The following KIAA0825 variants were observed in gnomAD, a reference collection of about 807,000 sequenced individuals.
The protein encoded by KIAA0825 is uncharacterized protein KIAA0825.
Under a neutral mutation model 147.6 loss-of-function variants are expected in KIAA0825, and 119 were observed. That is an observed-to-expected ratio of 0.81 (90% CI 0.69 to 0.94). The LOEUF (loss-of-function observed/expected upper bound fraction) is 0.94. Among genes scored for constraint, KIAA0825 ranks in the 40% least tolerant of loss-of-function variants. KIAA0825 has a pLI of 0.00. For missense variants in KIAA0825, 1,381 were observed against 1,472.7 expected, an observed-to-expected ratio of 0.94 and a Z score of 1.02; for synonymous variants, 470 against 518.1, an observed-to-expected ratio of 0.91 and a Z score of 1.26.
At chr5:94,229,801 G>A (rs999705702) in intron 20 of KIAA0825, among the ~76,000 whole-genome samples, 4 of 151,988 alleles carry the variant, frequency 2.6e-5, no homozygotes, top group African/African-American at 7.2e-5. Flanking sequence ...AATTCTCTGA[G>A]AATATTTATT....
At chr5:94,246,095 T>C (rs761837744) in intron 20 of KIAA0825, among the ~76,000 whole-genome samples, 2 of 152,146 alleles carry the variant, frequency 1.3e-5, no homozygotes, top group Non-Finnish European at 2.9e-5. Flanking sequence ...CCCATATAGA[T>C]TAAAAACAGA....
rs570135277 is a variant in KIAA0825 at position 94,436,053 on chromosome 5, A to T, written c.2497+3929T>A. Among the ~76,000 whole-genome samples the T allele has an allele frequency of 2.6e-5, 4 of 151,944 alleles. No homozygotes were observed. In the South Asian group the frequency reaches 6.2e-4, roughly 24 times the overall value. On this transcript the variant is annotated intron_variant, in intron 14 of 20. Coordinates refer to ENST00000682413, the MANE Select transcript of KIAA0825 (RefSeq NM_001145678.3). ...TTTGGTCCAATGCATAGTTTGCAAAATTTTTTTCCCATTCTATAGGTTGTC... is the reference window on the plus strand; with the variant it reads ...TTTGGTCCAATGCATAGTTTGCAAATTTTTTTTCCCATTCTATAGGTTGTC...
chr5:94,411,946 CA>C (rs141919892), intron 15 of KIAA0825, among the ~76,000 whole-genome samples: 52,621 of 138,978 alleles, frequency 0.38, 9,410 homozygotes, highest in Middle Eastern at 0.48. Context: ...GACTTCGTCT[CA>C]AAAAAAAAAA....
intron 5 of KIAA0825, among the ~76,000 whole-genome samples, chr5:94,487,270 AT>A (rs562411017): frequency 9.2e-5 from 14 of 152,252 alleles, no homozygotes; most frequent in African/African-American, 2.4e-4. Flanking sequence ...AAATCTAATC[AT>A]TTTTTTGTCC....
chr5:94,507,292 C>T (rs1163531516), intron 5 of KIAA0825, among the ~76,000 whole-genome samples: 1 of 152,020 alleles, frequency 6.6e-6, no homozygotes, highest in Non-Finnish European at 1.5e-5. Context: ...TGCTAAAATA[C>T]AAAAAATTAG....
intron 6 of KIAA0825, among the ~76,000 whole-genome samples, chr5:94,477,707 T>C (rs537257329): frequency 3.9e-5 from 6 of 152,114 alleles, no homozygotes; most frequent in Non-Finnish European, 7.4e-5. Context: ...CCCTTAAGCA[T>C]ATCAACGATT....
Position 94,462,412 on chromosome 5 carries a change from T to C in KIAA0825, c.2221A>G (p.Thr741Ala). Reference protein sequence around the residue: ...NNLFTTLVILTSPLTELYKTF... With the variant: ...NNLFTTLVILASPLTELYKTF... ...TTATATAATTCTGTTAATGGTGAAG[T>C]CAAAATGACTAATGTTGTAAACAGA... is the stretch of plus-strand genomic sequence containing the variant. The change falls in exon 12 of 21, where the codon ACT becomes GCT. Residue 741 changes from threonine (T) to alanine (A), a missense_variant. Transcript: ENST00000682413. The C allele has an allele frequency of 6.9e-7, 1 of 1,458,236 alleles. No homozygotes were observed. The allele number at this position is 1,458,236 out of a possible 1,614,324, so 90.3% of individuals were successfully genotyped here.
intron 20 of KIAA0825, among the ~76,000 whole-genome samples, chr5:94,165,117 A>G (rs1296178125): frequency 6.6e-6 from 1 of 152,212 alleles, no homozygotes; most frequent in African/African-American, 2.4e-5. Flanking sequence ...CTCTTCTGAA[A>G]AGGGATTAAT....
intron 5 of KIAA0825, among the ~76,000 whole-genome samples, chr5:94,493,699 A>G (rs1051001592): frequency 3.9e-5 from 6 of 152,150 alleles, no homozygotes; most frequent in African/African-American, 1.4e-4. Flanking sequence ...CATGTTAGCC[A>G]GGATGGTCTC....
chr5:94,334,585 T>G (rs904896244), intron 20 of KIAA0825, among the ~76,000 whole-genome samples: 1 of 152,162 alleles, frequency 6.6e-6, no homozygotes, highest in Non-Finnish European at 1.5e-5. Flanking sequence ...CAGGTTCAAG[T>G]GATTCTCCTG....
intron 20 of KIAA0825, among the ~76,000 whole-genome samples, chr5:94,212,126 T>C (rs1772764026): frequency 1.3e-5 from 2 of 152,314 alleles, no homozygotes; most frequent in African/African-American, 4.8e-5. Context: ...TAGTACTTAT[T>C]AGATAGTAAG....
chr5:94,426,469 A>G (rs958629630), intron 14 of KIAA0825, among the ~76,000 whole-genome samples: 1 of 152,182 alleles, frequency 6.6e-6, no homozygotes, highest in Non-Finnish European at 1.5e-5. Context: ...GACAAATACC[A>G]TATGCTGTCA....
chr5:94,528,013 T>C (rs1009164596), intron 3 of KIAA0825, among the ~76,000 whole-genome samples: 1 of 151,946 alleles, frequency 6.6e-6, no homozygotes, highest in Non-Finnish European at 1.5e-5. Flanking sequence ...AAAAGAATAG[T>C]TAAAAAGTTA....
At chr5:94,240,549 G>A (rs1439932269) in intron 20 of KIAA0825, among the ~76,000 whole-genome samples, 1 of 152,130 alleles carries the variant, frequency 6.6e-6, no homozygotes, top group African/African-American at 2.4e-5. Flanking sequence ...GAAAAGTGCT[G>A]AATTATTCAG....
At chr5:94,218,634 G>A (rs2150058728) in intron 20 of KIAA0825, among the ~76,000 whole-genome samples, 1 of 152,270 alleles carries the variant, frequency 6.6e-6, no homozygotes, top group Middle Eastern at 3.4e-3. Flanking sequence ...AAGGGAGATT[G>A]CCAACATACC....
chr5:94,574,176 C>T (rs1297274340), intron 2 of KIAA0825, among the ~76,000 whole-genome samples: 1 of 152,132 alleles, frequency 6.6e-6, no homozygotes, highest in Non-Finnish European at 1.5e-5. Context: ...ACAGGCCCCA[C>T]AGTTGGAGAC....
At chr5:94,193,662 C>G (rs1770874658) in intron 20 of KIAA0825, among the ~76,000 whole-genome samples, 2 of 152,160 alleles carry the variant, frequency 1.3e-5, no homozygotes, top group South Asian at 4.1e-4. Context: ...TTAGATCTCA[C>G]AACAACCCTA....
intron 6 of KIAA0825, among the ~76,000 whole-genome samples, chr5:94,483,601 G>A (rs1025946243): frequency 6.7e-6 from 1 of 150,364 alleles, no homozygotes; most frequent in Non-Finnish European, 1.5e-5. Flanking sequence ...TTTTTTTTGG[G>A]GTTGGCTTCA....
intron 20 of KIAA0825, among the ~76,000 whole-genome samples, chr5:94,256,091 G>A (rs1776238925): frequency 6.6e-6 from 1 of 152,002 alleles, no homozygotes; most frequent in African/African-American, 2.4e-5. Flanking sequence ...ATTTGATTTT[G>A]TTAGTGAAGG....
Sources: allele counts gnomAD v4.1 joint callset (sites outside exome capture counted in the v4.1 genomes callset), GRCh38; gene constraint gnomAD v4.1.1; transcripts MANE v1.5; gene names NCBI Gene and HGNC (gene_info 2026-07-23, HGNC 2026-07-21).